CNTLN: variants seen among roughly 807,000 people sequenced by gnomAD.
CNTLN encodes centlein, also known as centlein, centrosomal protein.
CNTLN carries 212 observed loss-of-function variants against 180.0 expected under a neutral mutation model. The observed-to-expected ratio is 1.18, with a 90% CI of 1.05 to 1.32. The LOEUF is 1.32. Among genes scored for constraint, CNTLN ranks in the 40% most tolerant of loss-of-function variants. The pLI is 0.00. For synonymous variants in CNTLN, 722 were observed against 563.1 expected (o/e 1.28, Z -3.99); for missense variants, 2,095 against 1,610.9 (o/e 1.30, Z -5.14).
At chr9:17,260,366 T>C (rs1826863933) in intron 5 of CNTLN, among the ~76,000 whole-genome samples, 1 of 151,402 alleles carries the variant, frequency 6.6e-6, no homozygotes, top group Admixed American at 6.6e-5. Context: ...TCTGTTCTTT[T>C]ACATTTGCTG....
chr9:17,287,240 C>A (rs1035720686), intron 6 of CNTLN, among the ~76,000 whole-genome samples: 3 of 151,852 alleles, frequency 2.0e-5, no homozygotes, highest in Non-Finnish European at 4.4e-5. Context: ...TTGTCAAAGG[C>A]TTTTTCTGCA....
At chr9:17,489,293 T>G (rs1478090111) in intron 25 of CNTLN, among the ~76,000 whole-genome samples, 1 of 152,168 alleles carries the variant, frequency 6.6e-6, no homozygotes, top group South Asian at 2.1e-4. Context: ...CATTCATACA[T>G]TTTGTTTAGT....
In CNTLN at chr9:17,259,180, T is replaced by A. The variant is rs921583955; in HGVS notation, c.850-14553T>A. Among the ~76,000 whole-genome samples, 7 of 149,516 alleles carry A rather than the reference T, an allele frequency of 4.7e-5. 1 individual carries two copies. The highest frequency in any genetic ancestry group is 1.5e-4 in the African/African-American group (6 of 39,490). On this transcript the variant is annotated intron_variant, in intron 5 of 25. Coordinates refer to ENST00000380647, the MANE Select transcript of CNTLN (RefSeq NM_017738.4). ...CCTAATTTATTGAGAGTTTTTAGCATGAAGGGTTGTTGAATTTTGTACAAA... is the reference window on the plus strand; with the variant it reads ...CCTAATTTATTGAGAGTTTTTAGCAAGAAGGGTTGTTGAATTTTGTACAAA...
At chr9:17,450,827 GT>G (rs144534984) in intron 18 of CNTLN, among the ~76,000 whole-genome samples, 4,420 of 151,570 alleles carry the variant, frequency 0.029, 224 homozygotes, top group African/African-American at 0.1. Flanking sequence ...CTGCCTAAGG[GT>G]TTTTTTTGGT....
intron 2 of CNTLN, among the ~76,000 whole-genome samples, chr9:17,185,336 A>T (rs1376656463): frequency 6.6e-6 from 1 of 152,216 alleles, no homozygotes; most frequent in Non-Finnish European, 1.5e-5. Context: ...TTTTGCCAGA[A>T]ACTGGATGGC....
At chr9:17,347,891 G>A (rs1822040295) in intron 12 of CNTLN, among the ~76,000 whole-genome samples, 2 of 152,086 alleles carry the variant, frequency 1.3e-5, no homozygotes, top group Middle Eastern at 6.8e-3. Flanking sequence ...GAGTGCAGTG[G>A]TACCATCTTG....
chr9:17,147,572 A>G (rs570453828), intron 2 of CNTLN, among the ~76,000 whole-genome samples: 2 of 152,110 alleles, frequency 1.3e-5, no homozygotes, highest in East Asian at 1.9e-4. Context: ...CTATGAGTCT[A>G]TGCTTCTGTT....
chr9:17,332,671 C>G lies in CNTLN; in HGVS notation c.1585C>G (p.Gln529Glu). The change falls in exon 10 of 26, where the codon CAG (glutamine) becomes GAG (glutamate). Residue 529 changes from glutamine (Q) to glutamate (E), a missense_variant. Transcript: ENST00000380647. ...CTCTTTCACAGACTCAGAAGAGCTA[C>G]AGAAGCTGAGAAAAGCTGAAAGAAA... ...KSSFTDSEEL[Q>E]KLRKAERKIE... 1 of 1,608,128 alleles carries G rather than the reference C, an allele frequency of 6.2e-7. No individual in the cohort carries two copies. Among genetic ancestry groups the G allele is most frequent in the Non-Finnish European group, 8.5e-7 (1 of 1,177,586 alleles).
intron 7 of CNTLN, chr9:17,301,502 T>C (rs934387272): frequency 5.1e-6 from 5 of 984,906 alleles, no homozygotes; most frequent in African/African-American, 1.7e-5. Context: ...TTTCTCTAGA[T>C]TGAATATCAT....
At chr9:17,258,298 C>T (rs1245419753) in intron 5 of CNTLN, among the ~76,000 whole-genome samples, 8 of 146,594 alleles carry the variant, frequency 5.5e-5, no homozygotes, top group Non-Finnish European at 8.9e-5. Context: ...AGATATGCGG[C>T]GTTATTTCTG....
At chr9:17,370,018 A>T (rs1237089614) in intron 13 of CNTLN, among the ~76,000 whole-genome samples, 1 of 151,904 alleles carries the variant, frequency 6.6e-6, no homozygotes, top group African/African-American at 2.4e-5. Context: ...CACAGAGGAG[A>T]TAAAAGAATA....
intron 25 of CNTLN, among the ~76,000 whole-genome samples, chr9:17,488,687 A>G (rs1424452488): frequency 6.6e-6 from 1 of 152,102 alleles, no homozygotes; most frequent in East Asian, 1.9e-4. Flanking sequence ...TCCAGTGAGT[A>G]TAAAAAAATT....
At chr9:17,388,937 A>T (rs1206250912) in intron 14 of CNTLN, among the ~76,000 whole-genome samples, 1 of 151,962 alleles carries the variant, frequency 6.6e-6, no homozygotes, top group East Asian at 1.9e-4. Context: ...AATTATTAAC[A>T]CTTTGTTATA....
intron 23 of CNTLN, among the ~76,000 whole-genome samples, chr9:17,480,119 A>C (rs964467123): frequency 1.3e-5 from 2 of 152,140 alleles, no homozygotes; most frequent in African/African-American, 2.4e-5. Flanking sequence ...TGAGCCTAGG[A>C]GTTCAAGGCT....
intron 2 of CNTLN, among the ~76,000 whole-genome samples, chr9:17,207,262 A>G (rs1822989937): frequency 6.6e-6 from 1 of 152,184 alleles, no homozygotes; most frequent in South Asian, 2.1e-4. Context: ...ATTGCCATTT[A>G]TGTGAGATAA....
intron 6 of CNTLN, among the ~76,000 whole-genome samples, chr9:17,275,242 A>G (rs900666535): frequency 3.3e-5 from 5 of 152,016 alleles, no homozygotes; most frequent in Admixed American, 2.0e-4. Context: ...TTCATTTTAT[A>G]TTGTTTAAAT....
intron 6 of CNTLN, among the ~76,000 whole-genome samples, chr9:17,287,750 T>G (rs201698671): frequency 6.9e-6 from 1 of 144,040 alleles, no homozygotes; most frequent in African/African-American, 2.7e-5. Flanking sequence ...GTGTATGTGT[T>G]GAGGAATTTA....
intron 5 of CNTLN, among the ~76,000 whole-genome samples, chr9:17,263,438 G>A (rs200596901): frequency 6.6e-6 from 1 of 150,926 alleles, no homozygotes; most frequent in Non-Finnish European, 1.5e-5. Flanking sequence ...AATCCAGTCT[G>A]TCTTTGTTGG....
At chr9:17,445,384 A>G (rs1407211115) in intron 18 of CNTLN, among the ~76,000 whole-genome samples, 4 of 151,982 alleles carry the variant, frequency 2.6e-5, no homozygotes, top group Non-Finnish European at 1.5e-5. Flanking sequence ...AAGAGAGATC[A>G]GATTGTTACA....
Sources: gnomAD v4.1 joint callset for allele counts (sites outside exome capture counted in the v4.1 genomes callset) on GRCh38, gnomAD v4.1.1 for gene constraint, MANE v1.5 for transcripts, NCBI Gene and HGNC (gene_info 2026-07-23, HGNC 2026-07-21) for gene names.